The following ARHGEF28 variants were observed in gnomAD, a reference collection of about 807,000 sequenced individuals.
The protein encoded by ARHGEF28 is Rho guanine nucleotide exchange factor 28.
In ARHGEF28, 152 loss-of-function variants were observed where a neutral mutation model predicts 206.6. That is an observed-to-expected ratio of 0.74 (90% confidence interval 0.64 to 0.84). The LOEUF is 0.84. ARHGEF28 is among the 40% of genes least tolerant of loss of function. The probability of loss-of-function intolerance (pLI) is 0.00; values close to 1 mark genes in which losing one functional copy is unlikely to be tolerated. For missense variants in ARHGEF28, 2,028 were observed against 2,073.2 expected, an observed-to-expected ratio of 0.98 and a Z score of 0.42; for synonymous variants, 763 against 776.4, an observed-to-expected ratio of 0.98 and a Z score of 0.29.
chr5:73,674,040 A>T (rs1746506783), intron 1 of ARHGEF28, among the ~76,000 whole-genome samples: 1 of 149,188 alleles, frequency 6.7e-6, no homozygotes, highest in Admixed American at 6.7e-5. Context: ...GTGTGGTGGT[A>T]TGCTCCTGCA....
At chr5:73,712,822 A>T (rs567436174) in intron 2 of ARHGEF28, among the ~76,000 whole-genome samples, 33 of 152,162 alleles carry the variant, frequency 2.2e-4, no homozygotes, top group Non-Finnish European at 3.1e-4. Flanking sequence ...CCCTTCTTTT[A>T]ATCTTGTTTG....
At chr5:73,668,683 G>C (rs1171963486) in intron 1 of ARHGEF28, among the ~76,000 whole-genome samples, 1 of 151,214 alleles carries the variant, frequency 6.6e-6, no homozygotes, top group Non-Finnish European at 1.5e-5. Context: ...TGAATAGGCT[G>C]CCTGAAAATG....
intron 4 of ARHGEF28, among the ~76,000 whole-genome samples, chr5:73,762,782 A>T (rs570053314): frequency 4.6e-5 from 7 of 152,288 alleles, no homozygotes; most frequent in Admixed American, 2.6e-4. Context: ...CATCCTTTGT[A>T]TAATGAGAGG....
intron 16 of ARHGEF28, among the ~76,000 whole-genome samples, chr5:73,860,054 C>T (rs1299432800): frequency 6.6e-6 from 1 of 152,220 alleles, no homozygotes; most frequent in Non-Finnish European, 1.5e-5. Context: ...TCCAGGTCGA[C>T]ATCTCTCCTT....
intron 12 of ARHGEF28, among the ~76,000 whole-genome samples, chr5:73,847,832 G>A (rs1758459234): frequency 6.6e-6 from 1 of 152,192 alleles, no homozygotes; most frequent in Non-Finnish European, 1.5e-5. Context: ...ACTGTTTAGG[G>A]TTATAGGACA....
intron 4 of ARHGEF28, among the ~76,000 whole-genome samples, chr5:73,771,222 A>G (rs544672848): frequency 2.6e-5 from 4 of 152,306 alleles, no homozygotes; most frequent in East Asian, 1.9e-4. Context: ...ATTTCTCACT[A>G]TATTCAGATT....
At chr5:73,752,121 A>G (rs748039385) in intron 3 of ARHGEF28, among the ~76,000 whole-genome samples, 2 of 152,204 alleles carry the variant, frequency 1.3e-5, no homozygotes, top group Non-Finnish European at 2.9e-5. Context: ...TCCAGTCATG[A>G]TTATCATGAT....
chr5:73,806,380 A>C (rs1357070977), intron 9 of ARHGEF28, among the ~76,000 whole-genome samples: 6 of 31,452 alleles, frequency 1.9e-4, no homozygotes, highest in Non-Finnish European at 2.8e-4. Flanking sequence ...TACTATATAT[A>C]GATATATAGA....
At chr5:73,720,089 A>C (rs895368316) in intron 2 of ARHGEF28, among the ~76,000 whole-genome samples, 6 of 152,246 alleles carry the variant, frequency 3.9e-5, no homozygotes, top group Non-Finnish European at 7.3e-5. Flanking sequence ...ATAAAATACA[A>C]ATGAGTTAAT....
chr5:73,758,412 A>G (rs2112416200), intron 4 of ARHGEF28, among the ~76,000 whole-genome samples: 1 of 152,340 alleles, frequency 6.6e-6, no homozygotes, highest in South Asian at 2.1e-4. Context: ...TCAAAAACGA[A>G]CTTGGACTCT....
At chr5:73,919,127 C>T (rs780527889) in intron 35 of ARHGEF28, among the ~76,000 whole-genome samples, 1 of 152,086 alleles carries the variant, frequency 6.6e-6, no homozygotes, top group African/African-American at 2.4e-5. Flanking sequence ...TGGCCTGTCC[C>T]GGGGATCCAG....
chr5:73,649,973 T>C (rs1243044632), intron 1 of ARHGEF28, among the ~76,000 whole-genome samples: 1 of 152,212 alleles, frequency 6.6e-6, no homozygotes, highest in Admixed American at 6.5e-5. Context: ...TTTTCTCACC[T>C]GATTGGGTGT....
intron 4 of ARHGEF28, among the ~76,000 whole-genome samples, chr5:73,768,680 G>A (rs1753045873): frequency 6.6e-6 from 1 of 152,148 alleles, no homozygotes; most frequent in East Asian, 1.9e-4. Context: ...TCTCAGATGA[G>A]ACTTTTGACT....
chr5:73,789,680 TTTTA>T (rs1754353623), intron 7 of ARHGEF28, among the ~76,000 whole-genome samples: 1 of 152,232 alleles, frequency 6.6e-6, no homozygotes, highest in East Asian at 1.9e-4. Context: ...TTTTTATTTA[TTTTA>T]TTTATTTTTT....
At chr5:73,648,589 TC>T (rs762175996) in intron 1 of ARHGEF28, among the ~76,000 whole-genome samples, 6 of 152,214 alleles carry the variant, frequency 3.9e-5, no homozygotes, top group Non-Finnish European at 8.8e-5. Flanking sequence ...GGCTGAATGT[TC>T]CCTAAACAAG....
Position 73,909,802 on chromosome 5 carries a change from C to T in ARHGEF28, c.4552C>T (p.Gln1518Ter), listed in dbSNP as rs1554028922. 1.3e-6 allele frequency: 2 copies of T among 1,532,478 alleles called. No homozygotes were observed. The highest frequency in any genetic ancestry group is 1.7e-6 in the Non-Finnish European group (2 of 1,146,940). 94.9% of individuals were successfully genotyped at this position (1,532,478 alleles called of 1,614,324 possible). A position where few individuals can be genotyped will look rare whatever the true frequency, so the allele number is the denominator to read the frequency against. Reference sequence around the variant, plus strand: ...GGGCCAGCGCCTGGTGGAGAGGGAGCAGGCGAGGATGCGGGCCCAGCAGAG... The same window carrying T: ...GGGCCAGCGCCTGGTGGAGAGGGAGTAGGCGAGGATGCGGGCCCAGCAGAG... ...REGQRLVERE[Q>*]ARMRAQQSLL... Residue 1518 changes from glutamine (Q) to a stop codon, truncating the protein, a stop_gained, in exon 34 of 36, where the codon CAG (glutamine) becomes TAG (stop). Transcript: ENST00000513042. LOFTEE classifies it high-confidence loss of function.
chr5:73,862,487 T>G (rs1346681110), intron 16 of ARHGEF28, among the ~76,000 whole-genome samples: 1 of 152,220 alleles, frequency 6.6e-6, no homozygotes, highest in East Asian at 1.9e-4. Context: ...TACCAACATA[T>G]CTTTTATAGG....
intron 9 of ARHGEF28, among the ~76,000 whole-genome samples, chr5:73,810,100 G>A (rs573481467): frequency 6.6e-6 from 1 of 152,320 alleles, no homozygotes; most frequent in South Asian, 2.1e-4. Flanking sequence ...AAGGAGGTAA[G>A]CTGGCCTAAA....
intron 2 of ARHGEF28, among the ~76,000 whole-genome samples, chr5:73,688,112 A>C (rs988123851): frequency 6.6e-6 from 1 of 152,220 alleles, no homozygotes; most frequent in Non-Finnish European, 1.5e-5. Context: ...GCTATATTAA[A>C]ATTATAAAAT....
Sources: allele counts gnomAD v4.1 joint callset (sites outside exome capture counted in the v4.1 genomes callset), GRCh38; gene constraint gnomAD v4.1.1; transcripts MANE v1.5; gene names NCBI Gene and HGNC (gene_info 2026-07-23, HGNC 2026-07-21).